Variants in METAP1D observed in about 807,000 individuals in gnomAD.
The protein encoded by METAP1D is methionyl aminopeptidase type 1D, mitochondrial.
In METAP1D, 31 loss-of-function variants were observed where a neutral mutation model predicts 40.5. That is an observed-to-expected ratio of 0.77 (90% CI 0.58 to 1.03). The LOEUF is 1.03. Among genes scored for constraint, METAP1D ranks in the 50% least tolerant of loss-of-function variants. The pLI is 0.00. For synonymous variants in METAP1D, 151 were observed against 146.4 expected, an observed-to-expected ratio of 1.03 and a Z score of -0.22; for missense variants, 411 against 420.7, an observed-to-expected ratio of 0.98 and a Z score of 0.20.
chr2:172,011,285 CTTTTT>C (rs367971854), intron 1 of METAP1D, among the ~76,000 whole-genome samples: 2 of 135,352 alleles, frequency 1.5e-5, no homozygotes. Flanking sequence ...CTTTCTGTTT[CTTTTT>C]TTTTTTTTTT....
chr2:172,022,971 G>T (rs1689039421), intron 1 of METAP1D, among the ~76,000 whole-genome samples: 1 of 152,166 alleles, frequency 6.6e-6, no homozygotes, highest in African/African-American at 2.4e-5. Context: ...CTGATCACCT[G>T]AGGTCGGGAG....
chr2:172,060,518 T>G (rs1028870878), intron 1 of METAP1D, among the ~76,000 whole-genome samples: 9 of 152,070 alleles, frequency 5.9e-5, no homozygotes, highest in African/African-American at 1.9e-4. Flanking sequence ...AGAAATTTTA[T>G]GAGCACGTGC....
chr2:172,048,970 G>A (rs1001886104), intron 1 of METAP1D, among the ~76,000 whole-genome samples: 2 of 152,114 alleles, frequency 1.3e-5, no homozygotes, highest in East Asian at 3.9e-4. Flanking sequence ...AATTTTTAAC[G>A]TTTTTAAATT....
At chr2:172,008,635 C>A (rs1688642713) in intron 1 of METAP1D, among the ~76,000 whole-genome samples, 1 of 152,122 alleles carries the variant, frequency 6.6e-6, no homozygotes, top group South Asian at 2.1e-4. Context: ...ACAACAATCA[C>A]TAAAAATAGA....
rs117480379 is a variant in METAP1D, at chr2:172,026,559, T to A, written c.40+26550T>A. Among the ~76,000 whole-genome samples the A allele has an allele frequency of 2.4e-3, 368 of 152,324 alleles. 5 individuals are homozygous for A. The East Asian group carries it at 0.037, about 15-fold the overall frequency. On this transcript the variant is annotated intron_variant, in intron 1 of 9. Transcript: ENST00000315796. ...AGTTTTTTCTTTTCTAAGTTAGACT[T>A]CTAGAGCTTTCACAGATTTCACAGT...
chr2:172,030,371 C>T (rs913987203), intron 1 of METAP1D, among the ~76,000 whole-genome samples: 4 of 152,044 alleles, frequency 2.6e-5, no homozygotes, highest in Admixed American at 2.6e-4. Context: ...GGATTACAGG[C>T]GTGAGCCACC....
chr2:172,052,459 T>C (rs1382272783), intron 1 of METAP1D, among the ~76,000 whole-genome samples: 1 of 152,204 alleles, frequency 6.6e-6, no homozygotes, highest in Non-Finnish European at 1.5e-5. Flanking sequence ...CAAATAGATT[T>C]CAAAATAGAG....
At chr2:172,035,222 T>C (rs139028484) in intron 1 of METAP1D, among the ~76,000 whole-genome samples, 8,323 of 152,092 alleles carry the variant, frequency 0.055, 799 homozygotes, top group East Asian at 0.48. Flanking sequence ...TGGAGTGCAG[T>C]GGCCCGATCT....
chr2:172,068,505 A>C (rs1223457474), intron 5 of METAP1D, among the ~76,000 whole-genome samples: 3 of 150,560 alleles, frequency 2.0e-5, no homozygotes, highest in Admixed American at 6.7e-5. Context: ...GTATATAGTG[A>C]ATCTTTTAAG....
chr2:172,050,571 T>G (rs957947578), intron 1 of METAP1D, among the ~76,000 whole-genome samples: 1 of 152,222 alleles, frequency 6.6e-6, no homozygotes, highest in Non-Finnish European at 1.5e-5. Context: ...TTCCTCTTCT[T>G]TAACCAAAGT....
Position 172,007,542 on chromosome 2 carries a change from G to A in METAP1D, c.40+7533G>A, listed in dbSNP as rs575637592. Among the ~76,000 whole-genome samples, 4 of 152,168 alleles carry A rather than the reference G, an allele frequency of 2.6e-5. No homozygotes were observed. The South Asian group carries it at 8.3e-4, about 32-fold the overall frequency. On this transcript the variant is annotated intron_variant, in intron 1 of 9. Coordinates refer to ENST00000315796, the MANE Select transcript of METAP1D (RefSeq NM_199227.3). ...TAGGGGGTGGCTGAGGCCAGTGTGG[G>A]CTCATGTGTTGTATTGTTTTCTTTT...
chr2:172,021,130 A>G (rs1422909572), intron 1 of METAP1D, among the ~76,000 whole-genome samples: 3 of 152,190 alleles, frequency 2.0e-5, no homozygotes, highest in Non-Finnish European at 4.4e-5. Flanking sequence ...CTCTTCTATT[A>G]TCTCCTCACT....
chr2:172,080,305 G>A (rs1690670844), intron 9 of METAP1D, 23 bp from the exon 10 acceptor site: 2 of 1,614,074 alleles, frequency 1.2e-6, no homozygotes, highest in Non-Finnish European at 1.7e-6. Flanking sequence ...TGCGCGTTCT[G>A]ACGGCTGGGT....
rs1168343869 is a variant in METAP1D at position 172,079,277 on chromosome 2, T to C, written c.850+15T>C. Reference sequence around the variant, plus strand: ...ATTCACTATAGGTAAATTGAGCTCCTCTTCCGAGTGAGTGCGTAGCTCCTG... The same window carrying C: ...ATTCACTATAGGTAAATTGAGCTCCCCTTCCGAGTGAGTGCGTAGCTCCTG... On this transcript the variant is annotated intron_variant, in intron 8 of 9. Coordinates refer to ENST00000315796, the MANE Select transcript of METAP1D (RefSeq NM_199227.3). 2 of 1,613,822 alleles carry C rather than the reference T, an allele frequency of 1.2e-6. No individual in the cohort carries two copies. Among genetic ancestry groups the C allele is most frequent in the Non-Finnish European group, 1.7e-6 (2 of 1,179,826 alleles).
intron 1 of METAP1D, among the ~76,000 whole-genome samples, chr2:172,027,601 T>C (rs566596849): frequency 1.3e-5 from 2 of 152,382 alleles, no homozygotes; most frequent in East Asian, 3.9e-4. Flanking sequence ...TATTTGTGTG[T>C]GTAAGGATAT....
At chr2:172,034,719 G>A (rs998717140) in intron 1 of METAP1D, among the ~76,000 whole-genome samples, 3 of 152,062 alleles carry the variant, frequency 2.0e-5, no homozygotes, top group African/African-American at 7.2e-5. Flanking sequence ...TCCAACAAGG[G>A]TTTTATCAAT....
At chr2:172,005,549 T>C (rs1688560974) in intron 1 of METAP1D, among the ~76,000 whole-genome samples, 1 of 139,708 alleles carries the variant, frequency 7.2e-6, no homozygotes, top group Non-Finnish European at 1.6e-5. Flanking sequence ...TATATATCTT[T>C]TTTTTTTTTT....
At chr2:172,036,944 A>G (rs1210762412) in intron 1 of METAP1D, among the ~76,000 whole-genome samples, 1 of 152,196 alleles carries the variant, frequency 6.6e-6, no homozygotes, top group African/African-American at 2.4e-5. Context: ...TCTATTACTT[A>G]CATGTACTTG....
At chr2:172,013,823 CTTTTTTTTTT>C (rs35639666) in intron 1 of METAP1D, among the ~76,000 whole-genome samples, 8 of 127,790 alleles carry the variant, frequency 6.3e-5, no homozygotes, top group Non-Finnish European at 1.2e-4. Flanking sequence ...CTTTTTTTTT[CTTTTTTTTTT>C]TTTTTGAGAC....
Sources: allele counts gnomAD v4.1 joint callset (sites outside exome capture counted in the v4.1 genomes callset), GRCh38; gene constraint gnomAD v4.1.1; transcripts MANE v1.5; gene names NCBI Gene and HGNC (gene_info 2026-07-23, HGNC 2026-07-21).